SLC4A4: variants seen among roughly 807,000 people sequenced by gnomAD.
SLC4A4 encodes electrogenic sodium bicarbonate cotransporter 1.
Under a neutral mutation model 111.5 loss-of-function variants are expected in SLC4A4, and 27 were observed. That is an observed-to-expected ratio of 0.24 (90% CI 0.18 to 0.33). SLC4A4 has a LOEUF of 0.33. Ranked by LOEUF, SLC4A4 falls within the 10% of genes least tolerant of loss-of-function variation. SLC4A4 has a pLI of 1.00. For missense variants in SLC4A4, 909 were observed against 1,315.5 expected (o/e 0.69, Z 4.78); for synonymous variants, 443 against 463.4 (o/e 0.96, Z 0.57).
intron 2 of SLC4A4, among the ~76,000 whole-genome samples, chr4:71,168,915 G>A (rs552119214): frequency 8.2e-4 from 125 of 152,278 alleles, no homozygotes; most frequent in African/African-American, 3.0e-3. Flanking sequence ...CAATAAACAT[G>A]GGCATGCAGA....
chr4:71,560,169 T>C lies in SLC4A4; in HGVS notation c.3014T>C (p.Val1005Ala). ...CACGACCTCAGCTTCCTGGATGATGTCATTCCAGAAAAGGACAAGAAAAAG... is the reference window on the plus strand; with the variant it reads ...CACGACCTCAGCTTCCTGGATGATGCCATTCCAGAAAAGGACAAGAAAAAG... ...SQHDLSFLDDVIPEKDKKKKE... is the reference protein window; with the variant it reads ...SQHDLSFLDDAIPEKDKKKKE... Residue 1005 changes from valine (V) to alanine (A), a missense_variant, in exon 23 of 26, where the codon GTC (valine) becomes GCC (alanine). Val to Ala is a moderately conservative substitution (Grantham distance 64). Around this residue, in one of 7 missense-constraint regions of SLC4A4, gnomAD observed 104 missense variants for 219.5 expected, o/e 0.47. Transcript: ENST00000264485. 6.2e-7 allele frequency: 1 copy of C among 1,611,054 alleles called. No homozygotes were observed. Among genetic ancestry groups the C allele is most frequent in the Non-Finnish European group, 8.5e-7 (1 of 1,177,992 alleles).
intron 4 of SLC4A4, among the ~76,000 whole-genome samples, chr4:71,343,029 T>C (rs1275388929): frequency 6.6e-6 from 1 of 152,150 alleles, no homozygotes; most frequent in Non-Finnish European, 1.5e-5. Flanking sequence ...GATATTATTG[T>C]TTTCATATGG....
At chr4:71,083,132 C>T (rs1011812370) in intron 1 of SLC4A4, among the ~76,000 whole-genome samples, 3 of 151,992 alleles carry the variant, frequency 2.0e-5, no homozygotes, top group Non-Finnish European at 2.9e-5. Context: ...GGATTGCAGG[C>T]GTGAGCCACC....
chr4:71,389,222 G>A (rs1315688400), intron 6 of SLC4A4, among the ~76,000 whole-genome samples: 2 of 152,154 alleles, frequency 1.3e-5, no homozygotes, highest in Non-Finnish European at 2.9e-5. Context: ...CACACTTTCA[G>A]CTCTCCATAT....
chr4:71,156,588 G>GCGCGCCCACACA (rs376043069), intron 2 of SLC4A4, among the ~76,000 whole-genome samples: 1 of 138,512 alleles, frequency 7.2e-6, no homozygotes, highest in African/African-American at 2.7e-5. Context: ...GCGCGCGCGC[G>GCGCGCCCACACA]CACACACACA....
intron 7 of SLC4A4, among the ~76,000 whole-genome samples, chr4:71,430,414 G>T (rs1723530489): frequency 6.6e-6 from 1 of 151,962 alleles, no homozygotes; most frequent in Non-Finnish European, 1.5e-5. Flanking sequence ...TTCCCAGTGG[G>T]ATATAAAGCA....
chr4:71,326,499 G>A (rs891013428), intron 3 of SLC4A4, among the ~76,000 whole-genome samples: 1 of 151,980 alleles, frequency 6.6e-6, no homozygotes. Context: ...GAATCATTAG[G>A]CAATTTACAT....
chr4:71,135,719 A>G (rs1409231925), intron 2 of SLC4A4, among the ~76,000 whole-genome samples: 1 of 152,142 alleles, frequency 6.6e-6, no homozygotes, highest in African/African-American at 2.4e-5. Flanking sequence ...CCTTTGACTG[A>G]CATAATCCAA....
At chr4:71,540,016 A>G (rs574103507) in intron 18 of SLC4A4, among the ~76,000 whole-genome samples, 5 of 152,318 alleles carry the variant, frequency 3.3e-5, no homozygotes, top group Middle Eastern at 3.4e-3. Flanking sequence ...TTTACTGTAG[A>G]CATAGTTAAA....
chr4:71,248,512 A>G (rs1236157891), intron 2 of SLC4A4, among the ~76,000 whole-genome samples: 2 of 151,798 alleles, frequency 1.3e-5, no homozygotes, highest in African/African-American at 4.8e-5. Flanking sequence ...AGCAAAGTTA[A>G]CATTATTTTG....
At chr4:71,418,980 A>G (rs879804536) in intron 7 of SLC4A4, among the ~76,000 whole-genome samples, 15 of 152,176 alleles carry the variant, frequency 9.9e-5, no homozygotes, top group Non-Finnish European at 1.8e-4. Context: ...TTGCCTGGGT[A>G]TCCGCAGCGG....
At chr4:71,334,098 A>G (rs978819780) in intron 3 of SLC4A4, among the ~76,000 whole-genome samples, 5 of 152,044 alleles carry the variant, frequency 3.3e-5, no homozygotes, top group African/African-American at 9.7e-5. Context: ...CCCCATGGCC[A>G]CCACAGCTGG....
At chr4:71,554,487 C>T (rs1193343186) in intron 20 of SLC4A4, among the ~76,000 whole-genome samples, 1 of 151,678 alleles carries the variant, frequency 6.6e-6, no homozygotes, top group Non-Finnish European at 1.5e-5. Flanking sequence ...ATATTTTTTG[C>T]TAATGCATGA....
At chr4:71,112,240 A>C (rs1026151715) in intron 2 of SLC4A4, among the ~76,000 whole-genome samples, 2 of 152,242 alleles carry the variant, frequency 1.3e-5, no homozygotes, top group Admixed American at 1.3e-4. Context: ...GTAACAGGAA[A>C]GAGTAGCATT....
intron 2 of SLC4A4, among the ~76,000 whole-genome samples, chr4:71,147,876 TCC>T (rs554833382): frequency 4.2e-4 from 64 of 152,208 alleles, no homozygotes; most frequent in Admixed American, 1.8e-3. Flanking sequence ...GGCCTGGTTG[TCC>T]CGAGGGAGGA....
upstream of SLC4A4, among the ~76,000 whole-genome samples, chr4:71,182,555 A>C (rs1202263652): frequency 1.3e-5 from 2 of 152,176 alleles, no homozygotes; most frequent in African/African-American, 4.8e-5. Context: ...CTGAATCCGC[A>C]TGACTTGGTC....
chr4:71,337,819 TTTAA>T lies in SLC4A4; in HGVS notation c.254-1528_254-1525del, dbSNP rs563934128. 2.0e-4 allele frequency among the ~76,000 whole-genome samples: 30 copies of T among 151,696 alleles called. 1 individual carries two copies. Among genetic ancestry groups the T allele is most frequent in the South Asian group, 1.0e-3 (5 of 4,806 alleles). On this transcript the variant is annotated intron_variant, in intron 3 of 25. Transcript: ENST00000264485. ...ATCATTTTTTTTTTTATTTTTGACA[TTTAA>T]TTAATTAATTAATTAATTAATTTAT...
At chr4:71,539,174 T>A (rs35167960) in intron 18 of SLC4A4, among the ~76,000 whole-genome samples, 6 of 152,160 alleles carry the variant, frequency 3.9e-5, no homozygotes, top group Non-Finnish European at 5.9e-5. Flanking sequence ...TTCCTTTTTA[T>A]TTCTACTCTC....
intron 6 of SLC4A4, among the ~76,000 whole-genome samples, chr4:71,357,748 A>T (rs1475690916): frequency 6.6e-6 from 1 of 152,210 alleles, no homozygotes; most frequent in East Asian, 1.9e-4. Context: ...AAGAATAATT[A>T]TTCAAGATGG....
Sources: gnomAD v4.1 joint callset for allele counts (sites outside exome capture counted in the v4.1 genomes callset) on GRCh38, gnomAD v4.1.1 for gene constraint, gnomAD v4.1.1 regional missense constraint, MANE v1.5 for transcripts, NCBI Gene and HGNC (gene_info 2026-07-23, HGNC 2026-07-21) for gene names.